Variants in PTPRG observed in about 807,000 individuals in gnomAD.
PTPRG encodes the protein protein tyrosine phosphatase receptor type G.
In PTPRG, 102 loss-of-function variants were observed where a neutral mutation model predicts 165.3. The ratio of observed to expected loss-of-function variants is 0.62; its 90% CI spans 0.53 to 0.73. The LOEUF is 0.73. Among genes scored for constraint, PTPRG ranks in the 30% least tolerant of loss-of-function variants. The probability of loss-of-function intolerance (pLI) is 0.00; values close to 1 mark genes in which losing one functional copy is unlikely to be tolerated. For missense variants in PTPRG, 1,866 were observed against 1,861.4 expected, an observed-to-expected ratio of 1.00 and a Z score of -0.05; for synonymous variants, 675 against 669.5, an observed-to-expected ratio of 1.01 and a Z score of -0.13.
chr3:61,982,168 G>A (rs531419571), intron 2 of PTPRG, among the ~76,000 whole-genome samples: 1 of 152,202 alleles, frequency 6.6e-6, no homozygotes, highest in Admixed American at 6.5e-5. Context: ...TAACTTTAAG[G>A]TTGAAAACTT....
chr3:61,751,331 C>T (rs1179222903), intron 2 of PTPRG, among the ~76,000 whole-genome samples: 2 of 152,056 alleles, frequency 1.3e-5, no homozygotes, highest in East Asian at 3.9e-4. Flanking sequence ...GCATAGTCCT[C>T]TGGATATAAA....
chr3:61,873,032 T>C (rs1246085638), intron 2 of PTPRG, among the ~76,000 whole-genome samples: 1 of 151,650 alleles, frequency 6.6e-6, no homozygotes, highest in Non-Finnish European at 1.5e-5. Flanking sequence ...ATTCTTTTTC[T>C]TTTTTTTTGA....
intron 7 of PTPRG, among the ~76,000 whole-genome samples, chr3:62,159,527 G>A (rs1305556253): frequency 6.6e-6 from 1 of 152,122 alleles, no homozygotes; most frequent in Non-Finnish European, 1.5e-5. Context: ...GTTTTGCCAA[G>A]TGTTTGTCTT....
At chr3:61,932,257 A>G (rs1182379578) in intron 2 of PTPRG, among the ~76,000 whole-genome samples, 1 of 152,198 alleles carries the variant, frequency 6.6e-6, no homozygotes, top group Non-Finnish European at 1.5e-5. Flanking sequence ...GATATTACAT[A>G]GATTCTTGTA....
chr3:62,112,892 T>C (rs1559521151), intron 5 of PTPRG, among the ~76,000 whole-genome samples: 1 of 152,230 alleles, frequency 6.6e-6, no homozygotes, highest in Admixed American at 6.5e-5. Flanking sequence ...GATTGACTCT[T>C]CTTCTGCGAC....
intron 6 of PTPRG, among the ~76,000 whole-genome samples, chr3:62,138,714 C>CAA (rs563632840): frequency 0.2 from 18,373 of 89,848 alleles, 1,323 homozygotes; most frequent in Non-Finnish European, 0.26. Flanking sequence ...GGCAAAGCTC[C>CAA]AAAAAAAAAA....
At chr3:61,771,977 T>C (rs1481046379) in intron 2 of PTPRG, among the ~76,000 whole-genome samples, 1 of 149,970 alleles carries the variant, frequency 6.7e-6, no homozygotes, top group Non-Finnish European at 1.5e-5. Context: ...GGAGAATCAC[T>C]TGAACCTGAG....
At chr3:61,652,511 T>C (rs1269099787) in intron 1 of PTPRG, among the ~76,000 whole-genome samples, 1 of 152,196 alleles carries the variant, frequency 6.6e-6, no homozygotes, top group African/African-American at 2.4e-5. Flanking sequence ...GGTCATGGAC[T>C]GGGCTAGGGT....
At chr3:61,669,401 GTGTC>G (rs10531478) in intron 1 of PTPRG, among the ~76,000 whole-genome samples, 72,500 of 151,414 alleles carry the variant, frequency 0.48, 18,235 homozygotes, top group South Asian at 0.65. Context: ...AACATTGGAT[GTGTC>G]TGTCCCTAGT....
chr3:62,155,780 A>G (rs1704514575), intron 6 of PTPRG, among the ~76,000 whole-genome samples: 1 of 152,134 alleles, frequency 6.6e-6, no homozygotes, highest in Non-Finnish European at 1.5e-5. Flanking sequence ...AAATTTCTGT[A>G]CTAGTTGTTC....
In PTPRG at chr3:62,129,933, C is replaced by T. The variant is rs143416754; in HGVS notation, c.616-2669C>T. ...TTACTGGGAAACTTTTAAGACAAAC[C>T]GTAAGCCAGATATATTGTTTCAAAA... is the stretch of plus-strand genomic sequence containing the variant. On this transcript the variant is annotated intron_variant, in intron 5 of 29. Coordinates refer to ENST00000474889, the MANE Select transcript of PTPRG (RefSeq NM_002841.4). 5.9e-3 allele frequency among the ~76,000 whole-genome samples: 900 copies of T among 152,226 alleles called. 12 individuals are homozygous for T. Among genetic ancestry groups the T allele is most frequent in the African/African-American group, 0.02 (842 of 41,538 alleles).
chr3:62,128,216 C>G (rs1703386274), intron 5 of PTPRG, among the ~76,000 whole-genome samples: 1 of 152,126 alleles, frequency 6.6e-6, no homozygotes, highest in Admixed American at 6.5e-5. Context: ...AGAGTACGAA[C>G]TCTGCAGGGA....
chr3:61,881,291 C>T (rs1216355947), intron 2 of PTPRG, among the ~76,000 whole-genome samples: 1 of 152,134 alleles, frequency 6.6e-6, no homozygotes, highest in Non-Finnish European at 1.5e-5. Context: ...CTATTGGTTA[C>T]TACTGCATCT....
chr3:61,704,805 T>C (rs73842321), intron 1 of PTPRG, among the ~76,000 whole-genome samples: 19 of 152,348 alleles, frequency 1.2e-4, no homozygotes, highest in African/African-American at 4.6e-4. Flanking sequence ...ATTATTGATA[T>C]ACTTTCTGAG....
intron 2 of PTPRG, among the ~76,000 whole-genome samples, chr3:61,825,997 A>T (rs2036100055): frequency 6.6e-6 from 1 of 152,206 alleles, no homozygotes; most frequent in Non-Finnish European, 1.5e-5. Context: ...ATTTTGGAAG[A>T]TTCATGGAAA....
chr3:62,157,304 C>CTA, intron 7 of PTPRG, 80 bp downstream of exon 7: 1 of 1,408,826 alleles, frequency 7.1e-7, no homozygotes, highest in Non-Finnish European at 9.7e-7. Flanking sequence ...CTAGAGTATA[C>CTA]CACTAAGGAA....
At chr3:61,719,476 G>A (rs1038767994) in intron 1 of PTPRG, among the ~76,000 whole-genome samples, 3 of 152,088 alleles carry the variant, frequency 2.0e-5, no homozygotes, top group Non-Finnish European at 2.9e-5. Context: ...TGGCTCTCCC[G>A]GGTCTCCCCA....
chr3:61,886,086 AAG>A (rs1407490708), intron 2 of PTPRG, among the ~76,000 whole-genome samples: 2 of 151,988 alleles, frequency 1.3e-5, no homozygotes, highest in Non-Finnish European at 2.9e-5. Flanking sequence ...TACTTGGAGA[AAG>A]AGAGAGGAGA....
At position 62,266,462 on chromosome 3, in the gene PTPRG, C is replaced by T. The variant is rs150391841; in HGVS notation, c.2657-948C>T. On this transcript the variant is annotated intron_variant, in intron 17 of 29. Coordinates refer to ENST00000474889, the MANE Select transcript of PTPRG (RefSeq NM_002841.4). ...GCAATTAATGACTACTAAGGCATAACGGTTTGGATCCAGATGCCTTAGGAG... is the reference window on the plus strand; with the variant it reads ...GCAATTAATGACTACTAAGGCATAATGGTTTGGATCCAGATGCCTTAGGAG... 3.5e-4 allele frequency among the ~76,000 whole-genome samples: 54 copies of T among 152,168 alleles called. 1 individual carries two copies. In the East Asian group the frequency reaches 8.5e-3, roughly 24 times the overall value.
Sources: gnomAD v4.1 joint callset for allele counts (sites outside exome capture counted in the v4.1 genomes callset) on GRCh38, gnomAD v4.1.1 for gene constraint, MANE v1.5 for transcripts, NCBI Gene and HGNC (gene_info 2026-07-23, HGNC 2026-07-21) for gene names.